The following FSTL5 variants were observed in gnomAD, a reference collection of about 807,000 sequenced individuals.
FSTL5 encodes the protein follistatin-related protein 5.
A neutral mutation model predicts 89.1 loss-of-function variants in FSTL5; 62 were observed. The ratio of observed to expected loss-of-function variants is 0.70; its 90% CI spans 0.57 to 0.86. The LOEUF is 0.86. Among genes scored for constraint, FSTL5 ranks in the 40% least tolerant of loss-of-function variants. The pLI is 0.00. For missense variants in FSTL5, 1,057 were observed against 1,001.6 expected (o/e 1.06, Z -0.75); for synonymous variants, 383 against 346.2 (o/e 1.11, Z -1.18).
At chr4:161,622,637 T>C (rs1735183631) in intron 7 of FSTL5, among the ~76,000 whole-genome samples, 1 of 152,070 alleles carries the variant, frequency 6.6e-6, no homozygotes. Flanking sequence ...TACAATTTAA[T>C]CTTCTAAGTT....
At chr4:161,856,900 A>G (rs1387223434) in intron 4 of FSTL5, among the ~76,000 whole-genome samples, 1 of 152,198 alleles carries the variant, frequency 6.6e-6, no homozygotes, top group Non-Finnish European at 1.5e-5. Context: ...CAAGGCTGTG[A>G]AGCCAGATTG....
intron 6 of FSTL5, among the ~76,000 whole-genome samples, chr4:161,683,763 A>G (rs1298619377): frequency 1.3e-5 from 2 of 152,096 alleles, no homozygotes; most frequent in Non-Finnish European, 1.5e-5. Flanking sequence ...ATTTATTTCC[A>G]TAGGTTATTG....
In FSTL5 at chr4:161,397,641, ATACATATT is replaced by A. The variant is rs1731052083; in HGVS notation, c.1842-11200_1842-11193del. On this transcript the variant is annotated intron_variant, in intron 15 of 15. Transcript: ENST00000306100. ...TATAATGCTATTAGAAACAAAAAACATACATATTGAAGAAGAGACTTTTTAAAGCAAGA... is the reference window on the plus strand; with the variant it reads ...TATAATGCTATTAGAAACAAAAAACAGAAGAAGAGACTTTTTAAAGCAAGA... Among the ~76,000 whole-genome samples, 6 of 117,392 alleles carry A rather than the reference ATACATATT, an allele frequency of 5.1e-5. No individual in the cohort carries two copies. The Admixed American group carries it at 5.3e-4, about 10-fold the overall frequency. 77.0% of individuals were successfully genotyped at this position (117,392 alleles called of 152,430 possible).
At chr4:161,602,205 C>T (rs941116589) in intron 7 of FSTL5, among the ~76,000 whole-genome samples, 4 of 148,958 alleles carry the variant, frequency 2.7e-5, no homozygotes, top group East Asian at 2.0e-4. Flanking sequence ...CGTGTGCGCA[C>T]GCATGCACAC....
At chr4:161,785,537 T>C (rs1222228841) in intron 4 of FSTL5, among the ~76,000 whole-genome samples, 2 of 152,288 alleles carry the variant, frequency 1.3e-5, no homozygotes, top group East Asian at 1.9e-4. Flanking sequence ...GCTTCAAAAG[T>C]TGTAAATCAA....
At chr4:161,740,888 C>T (rs1740002464) in intron 6 of FSTL5, among the ~76,000 whole-genome samples, 1 of 152,258 alleles carries the variant, frequency 6.6e-6, no homozygotes, top group African/African-American at 2.4e-5. Flanking sequence ...GATCAAGGTG[C>T]TGACATATTC....
intron 4 of FSTL5, among the ~76,000 whole-genome samples, chr4:161,793,125 G>C (rs1729530914): frequency 6.6e-6 from 1 of 152,228 alleles, no homozygotes; most frequent in Non-Finnish European, 1.5e-5. Flanking sequence ...GCCTTGCATG[G>C]AGCCGGCAAC....
intron 6 of FSTL5, among the ~76,000 whole-genome samples, chr4:161,656,961 G>C (rs150350141): frequency 1.5e-4 from 23 of 152,262 alleles, no homozygotes; most frequent in African/African-American, 5.3e-4. Context: ...AGATTTGTTT[G>C]GGAAGTTGAA....
chr4:161,433,134 T>C (rs1307366081), intron 15 of FSTL5, among the ~76,000 whole-genome samples: 1 of 146,956 alleles, frequency 6.8e-6, no homozygotes, highest in Non-Finnish European at 1.5e-5. Flanking sequence ...AAAAAAAAAC[T>C]ATAGGTGAAT....
chr4:161,614,411 A>G (rs1734767071), intron 7 of FSTL5, among the ~76,000 whole-genome samples: 1 of 152,186 alleles, frequency 6.6e-6, no homozygotes, highest in South Asian at 2.1e-4. Flanking sequence ...TGCAGTCAGT[A>G]AATCTTCTAA....
chr4:161,735,062 C>T (rs1739763536), intron 6 of FSTL5, among the ~76,000 whole-genome samples: 1 of 152,166 alleles, frequency 6.6e-6, no homozygotes, highest in South Asian at 2.1e-4. Flanking sequence ...ATCATAAGCT[C>T]CATGTTGTTT....
intron 6 of FSTL5, among the ~76,000 whole-genome samples, chr4:161,657,418 C>T (rs773331256): frequency 7.2e-5 from 11 of 152,174 alleles, no homozygotes; most frequent in African/African-American, 2.4e-4. Flanking sequence ...ATACCACAAA[C>T]GAAACACCAC....
chr4:161,529,423 T>C lies in FSTL5; in HGVS notation c.1312+8743A>G, dbSNP rs1049897244. 6.3e-5 allele frequency among the ~76,000 whole-genome samples: 9 copies of C among 142,702 alleles called. 1 individual carries two copies. The highest frequency in any genetic ancestry group is 1.2e-4 in the African/African-American group (5 of 40,002). The allele number at this position is 142,702 out of a possible 152,430, so 93.6% of individuals were successfully genotyped here. A position where few individuals can be genotyped will look rare whatever the true frequency, so the allele number is the denominator to read the frequency against. ...GAAGCATGAATATTGGAATTTATTA[T>C]AAATAATGAAAGTTTATAAAATAAT... On this transcript the variant is annotated intron_variant, in intron 10 of 15. Transcript: ENST00000306100.
intron 15 of FSTL5, among the ~76,000 whole-genome samples, chr4:161,419,852 G>A (rs1012633418): frequency 6.6e-6 from 1 of 152,190 alleles, no homozygotes; most frequent in Non-Finnish European, 1.5e-5. Context: ...TGCTGGCCTA[G>A]AGGTCTTAAT....
chr4:161,962,425 T>G (rs1735207556), intron 3 of FSTL5, among the ~76,000 whole-genome samples: 1 of 152,008 alleles, frequency 6.6e-6, no homozygotes, highest in African/African-American at 2.4e-5. Context: ...GCAAATCACT[T>G]TTCTTCTATC....
chr4:161,397,658 G>T (rs1025654872), intron 15 of FSTL5, among the ~76,000 whole-genome samples: 3 of 143,170 alleles, frequency 2.1e-5, no homozygotes, highest in African/African-American at 7.6e-5. Context: ...TTGAAGAAGA[G>T]ACTTTTTAAA....
chr4:161,594,109 A>G (rs1379889588), intron 7 of FSTL5, among the ~76,000 whole-genome samples: 1 of 152,186 alleles, frequency 6.6e-6, no homozygotes, highest in African/African-American at 2.4e-5. Context: ...ACCGATGGCC[A>G]GAAAAATAAC....
intron 7 of FSTL5, among the ~76,000 whole-genome samples, chr4:161,593,936 T>C (rs147913007): frequency 0.014 from 2,121 of 152,082 alleles, 75 homozygotes; most frequent in South Asian, 0.14. Flanking sequence ...GGAACTGAAA[T>C]GCTAAATAAA....
chr4:162,143,048 G>A (rs1732809223), intron 1 of FSTL5, among the ~76,000 whole-genome samples: 1 of 152,046 alleles, frequency 6.6e-6, no homozygotes, highest in South Asian at 2.1e-4. Context: ...ATCATTTAAA[G>A]CTTTAAATGT....
Sources: gnomAD v4.1 joint callset for allele counts (sites outside exome capture counted in the v4.1 genomes callset) on GRCh38, gnomAD v4.1.1 for gene constraint, MANE v1.5 for transcripts, NCBI Gene and HGNC (gene_info 2026-07-23, HGNC 2026-07-21) for gene names.